DPH5: variants seen among roughly 807,000 people sequenced by gnomAD.
DPH5 encodes diphthamide biosynthesis 5.
DPH5 carries 31 observed loss-of-function variants against 31.6 expected under a neutral mutation model. The observed-to-expected ratio is 0.98, with a 90% CI of 0.74 to 1.32. The LOEUF is 1.32. Among genes scored for constraint, DPH5 ranks in the 40% most tolerant of loss-of-function variants. The probability of loss-of-function intolerance (pLI) is 0.00; values close to 1 mark genes in which losing one functional copy is unlikely to be tolerated. For missense variants in DPH5, 309 were observed against 335.7 expected, an observed-to-expected ratio of 0.92 and a Z score of 0.62; for synonymous variants, 120 against 115.0, an observed-to-expected ratio of 1.04 and a Z score of -0.28.
At chr1:101,013,681 C>A (rs35795778) in intron 4 of DPH5, 29 bp downstream of exon 4, 14 of 1,383,010 alleles carry the variant, frequency 1.0e-5, no homozygotes, top group Non-Finnish European at 1.4e-5. Context: ...TTATTTAATT[C>A]CACTGAAAAA....
At chr1:101,022,312 A>G (rs1447561873) in intron 2 of DPH5, among the ~76,000 whole-genome samples, 3 of 152,346 alleles carry the variant, frequency 2.0e-5, no homozygotes, top group Middle Eastern at 3.4e-3. Flanking sequence ...AGAAGATACT[A>G]ATTTAAAACT....
intron 2 of DPH5, among the ~76,000 whole-genome samples, chr1:101,022,730 T>C (rs1456168495): frequency 2.0e-5 from 3 of 152,224 alleles, no homozygotes; most frequent in African/African-American, 7.2e-5. Context: ...TACTCAATAA[T>C]ATCTGTCAAA....
chr1:100,994,852 A>G (rs1424165198), intron 6 of DPH5, among the ~76,000 whole-genome samples: 1 of 152,088 alleles, frequency 6.6e-6, no homozygotes, highest in African/African-American at 2.4e-5. Context: ...CAGAATCCCA[A>G]CGCATTAATT....
At chr1:101,011,109 AG>A (rs1235986580) in intron 4 of DPH5, among the ~76,000 whole-genome samples, 1 of 152,238 alleles carries the variant, frequency 6.6e-6, no homozygotes, top group Non-Finnish European at 1.5e-5. Flanking sequence ...AAAAGTAAAG[AG>A]AAAAAGGCCA....
At chr1:101,022,672 G>A (rs954535545) in intron 2 of DPH5, among the ~76,000 whole-genome samples, 1 of 144,178 alleles carries the variant, frequency 6.9e-6, no homozygotes, top group Non-Finnish European at 1.5e-5. Context: ...AGAACTTTGA[G>A]TGAGTTATTA....
intron 6 of DPH5, among the ~76,000 whole-genome samples, chr1:100,994,476 A>C (rs1249851710): frequency 5.3e-5 from 8 of 152,080 alleles, no homozygotes; most frequent in Admixed American, 2.6e-4. Context: ...AATAAGGCTC[A>C]GAGATGGAAG....
chr1:101,025,299 C>T lies in DPH5; in HGVS notation c.135+10G>A, dbSNP rs1208553332. ...TCTTCCCAGGAGGCTGGGGAACGCT[C>T]AGCACCTACCAAGGCTTCCTTCCCT... On this transcript the variant is annotated intron_variant, in intron 2 of 7. Transcript: ENST00000370109. The T allele has an allele frequency of 6.2e-7, 1 of 1,613,742 alleles. No individual in the cohort carries two copies. The highest frequency in any genetic ancestry group is 2.2e-5 in the East Asian group (1 of 44,876).
chr1:101,020,378 T>C (rs751380326), intron 3 of DPH5, among the ~76,000 whole-genome samples: 4 of 152,242 alleles, frequency 2.6e-5, no homozygotes, highest in Non-Finnish European at 4.4e-5. Flanking sequence ...CCTTTTTGAA[T>C]AGTCTCTTTT....
intron 3 of DPH5, among the ~76,000 whole-genome samples, chr1:101,020,842 G>T (rs1350857906): frequency 6.6e-6 from 1 of 151,766 alleles, no homozygotes; most frequent in Non-Finnish European, 1.5e-5. Flanking sequence ...CACCAAAAAC[G>T]TTCTTGCCTC....
intron 4 of DPH5, among the ~76,000 whole-genome samples, chr1:101,010,833 G>A (rs1659573187): frequency 6.6e-6 from 1 of 152,102 alleles, no homozygotes; most frequent in African/African-American, 2.4e-5. Context: ...CCAAAAAAAA[G>A]ACAACACAGT....
rs373947841 is a variant in DPH5 at position 100,992,731 on chromosome 1, C to A, written c.540G>T (p.Lys180Asn). 6 of 1,611,732 alleles carry A rather than the reference C, an allele frequency of 3.7e-6. No homozygotes were observed. The Admixed American group carries it at 5.0e-5, about 13-fold the overall frequency. Residue 180 changes from lysine (K) to asparagine (N), a missense_variant, in exon 7 of 8, where the codon AAG (lysine) becomes AAT (asparagine). By Grantham distance (94) the Lys-to-Asn change is moderately conservative. Transcript: ENST00000370109. Reference sequence around the variant, plus strand: ...TCATATACCGTGGAGGTTCATAGATCTTCCTTCCCCTATAGGCAGAAAACT... The same window carrying A: ...TCATATACCGTGGAGGTTCATAGATATTCCTTCCCCTATAGGCAGAAAACT... ...QSLENLIKGR[K>N]IYEPPRYMSV...
At chr1:101,015,169 A>G (rs1425525875) in intron 3 of DPH5, among the ~76,000 whole-genome samples, 1 of 152,162 alleles carries the variant, frequency 6.6e-6, no homozygotes, top group Non-Finnish European at 1.5e-5. Flanking sequence ...TTTTCAATTT[A>G]CTTTGCCCAG....
At chr1:101,021,491 G>A (rs981387692) in intron 3 of DPH5, 150 bp downstream of exon 3, 13 of 677,564 alleles carry the variant, frequency 1.9e-5, no homozygotes, top group Middle Eastern at 4.0e-4. Context: ...GATCATGAAA[G>A]TTTAAACTAT....
chr1:100,995,223 A>C (rs1320576270), intron 5 of DPH5, 74 bp from the exon 6 acceptor site: 1 of 994,454 alleles, frequency 1.0e-6, no homozygotes, highest in Non-Finnish European at 1.5e-6. Context: ...AACCTCAGTT[A>C]AGAGTCACCT....
intron 5 of DPH5, among the ~76,000 whole-genome samples, chr1:101,000,865 T>C (rs906391797): frequency 2.0e-5 from 3 of 152,208 alleles, no homozygotes; most frequent in Non-Finnish European, 4.4e-5. Flanking sequence ...ATCCCAGCTC[T>C]TTCCACACTA....
chr1:101,025,510 A>G lies in DPH5; in HGVS notation c.-23-44T>C, dbSNP rs555886953. On this transcript the variant is annotated intron_variant, in intron 1 of 7. Coordinates refer to ENST00000370109, the MANE Select transcript of DPH5 (RefSeq NM_015958.3). ...AGAAAAACCGTCAGTAACACCGAGGACATCTAAAATCTAGTGATGAACACG... is the reference window on the plus strand; with the variant it reads ...AGAAAAACCGTCAGTAACACCGAGGGCATCTAAAATCTAGTGATGAACACG... 3.1e-6 allele frequency: 5 copies of G among 1,589,780 alleles called. No homozygotes were observed. In the East Asian group the frequency reaches 1.1e-4, roughly 36 times the overall value.
At chr1:101,018,068 G>A (rs1185125316) in intron 3 of DPH5, among the ~76,000 whole-genome samples, 1 of 151,994 alleles carries the variant, frequency 6.6e-6, no homozygotes, top group Non-Finnish European at 1.5e-5. Flanking sequence ...TCATATATGT[G>A]TATATGTATG....
intron 5 of DPH5, among the ~76,000 whole-genome samples, chr1:100,997,690 T>C (rs1658488739): frequency 6.6e-6 from 1 of 152,250 alleles, no homozygotes; most frequent in South Asian, 2.1e-4. Context: ...AATGGATATA[T>C]GGGGAGGTTA....
intron 5 of DPH5, among the ~76,000 whole-genome samples, chr1:100,997,528 GCTA>G (rs71592209): frequency 0.28 from 43,200 of 151,764 alleles, 6,492 homozygotes; most frequent in Non-Finnish European, 0.34. Flanking sequence ...ACCACGCCCG[GCTA>G]ATTTTTTGTA....
Sources: gnomAD v4.1 joint callset for allele counts (sites outside exome capture counted in the v4.1 genomes callset) on GRCh38, gnomAD v4.1.1 for gene constraint, MANE v1.5 for transcripts, NCBI Gene and HGNC (gene_info 2026-07-23, HGNC 2026-07-21) for gene names.